Variants in TMC5 observed in about 807,000 individuals in gnomAD.
The protein encoded by TMC5 is transmembrane channel-like protein 5.
In TMC5, 86 loss-of-function variants were observed where a neutral mutation model predicts 110.5. That is an observed-to-expected ratio of 0.78 (90% CI 0.65 to 0.93). The LOEUF is 0.93. Ranked by LOEUF, TMC5 falls within the 40% of genes least tolerant of loss-of-function variation. The probability of loss-of-function intolerance (pLI) is 0.00; values close to 1 mark genes in which losing one functional copy is unlikely to be tolerated. For missense variants in TMC5, 1,144 were observed against 1,222.8 expected (o/e 0.94, Z 0.96); for synonymous variants, 455 against 439.5 (o/e 1.04, Z -0.44).
At chr16:19,412,434 C>T (rs1166751439) in intron 1 of TMC5, among the ~76,000 whole-genome samples, 2 of 151,568 alleles carry the variant, frequency 1.3e-5, no homozygotes, top group Admixed American at 6.6e-5. Context: ...GGTGCAATCT[C>T]AGCTCACTGC....
At chr16:19,446,650 A>C (rs997894334) in intron 4 of TMC5, among the ~76,000 whole-genome samples, 7 of 152,344 alleles carry the variant, frequency 4.6e-5, no homozygotes, top group African/African-American at 1.4e-4. Flanking sequence ...TACTAAATTG[A>C]CAGAGCCAGG....
At chr16:19,478,466 T>C (rs538637141) in intron 13 of TMC5, among the ~76,000 whole-genome samples, 2 of 152,352 alleles carry the variant, frequency 1.3e-5, no homozygotes, top group East Asian at 1.9e-4. Flanking sequence ...CATTCATCCA[T>C]TCATGCATCC....
chr16:19,413,052 C>T (rs886251274), upstream of TMC5, among the ~76,000 whole-genome samples: 1 of 152,172 alleles, frequency 6.6e-6, no homozygotes, highest in African/African-American at 2.4e-5. Flanking sequence ...CTGTGTTGCC[C>T]AGGCTGGTCT....
At chr16:19,437,167 C>T (rs1025597910) in intron 2 of TMC5, among the ~76,000 whole-genome samples, 1 of 152,038 alleles carries the variant, frequency 6.6e-6, no homozygotes, top group Non-Finnish European at 1.5e-5. Flanking sequence ...AGAGTGAGAC[C>T]CTGTCTCAAA....
chr16:19,446,212 T>G (rs1967612179), intron 4 of TMC5, among the ~76,000 whole-genome samples: 1 of 152,148 alleles, frequency 6.6e-6, no homozygotes, highest in African/African-American at 2.4e-5. Flanking sequence ...CAAACCTTTA[T>G]TCCAAGCATT....
In TMC5 at chr16:19,474,107, C is replaced by CT. The variant is rs768311058; in HGVS notation, c.1939-17dup. 3 of 1,611,436 alleles carry CT rather than the reference C, an allele frequency of 1.9e-6. No homozygotes were observed. Among genetic ancestry groups the CT allele is most frequent in the South Asian group, 1.1e-5 (1 of 90,738 alleles). ...AGTGTACAAGTCAGCCCTCCGTTCT[C>CT]TCCCCCATCCCCTGCAGTTCCTGAA... On this transcript the variant is annotated splice_polypyrimidine_tract_variant and intron_variant, in intron 11 of 21. Coordinates refer to ENST00000542583, the MANE Select transcript of TMC5 (RefSeq NM_001261841.2).
chr16:19,416,393 T>G (rs1452580404), upstream of TMC5, among the ~76,000 whole-genome samples: 1 of 152,214 alleles, frequency 6.6e-6, no homozygotes. Context: ...TATTTCTGTA[T>G]GAATATAAAA....
intron 4 of TMC5, among the ~76,000 whole-genome samples, chr16:19,446,182 C>T (rs1424356435): frequency 6.6e-6 from 1 of 152,072 alleles, no homozygotes; most frequent in Non-Finnish European, 1.5e-5. Flanking sequence ...GCACAGACAT[C>T]AGATAGCCCA....
At chr16:19,455,980 G>T (rs996811365) in intron 5 of TMC5, among the ~76,000 whole-genome samples, 1 of 152,154 alleles carries the variant, frequency 6.6e-6, no homozygotes, top group Non-Finnish European at 1.5e-5. Context: ...GGCCGAGGCA[G>T]GAGGATCACG....
chr16:19,456,513 G>A, intron 5 of TMC5: 1 of 1,352,688 alleles, frequency 7.4e-7, no homozygotes, highest in Admixed American at 3.3e-5. Context: ...TAGATGCAGG[G>A]AGTTATGTTG....
rs1968925846 is a variant in TMC5 at position 19,492,230 on chromosome 16, T to G, written c.2826+2T>G. The stretch of plus-strand genomic sequence containing the variant: ...CTGCTCCATGAGCAGATCATTAATG[T>G]AAGTCCCCTTGGATCCCTCTGATGT... On this transcript the variant is annotated splice_donor_variant, in intron 19 of 21. Transcript: ENST00000542583. LOFTEE classifies it high-confidence loss of function. 1 of 1,610,426 alleles carries G rather than the reference T, an allele frequency of 6.2e-7. No individual in the cohort carries two copies. Among genetic ancestry groups the G allele is most frequent in the Non-Finnish European group, 8.5e-7 (1 of 1,176,824 alleles).
chr16:19,424,260 C>G (rs1161245992), intron 1 of TMC5, among the ~76,000 whole-genome samples: 2 of 152,206 alleles, frequency 1.3e-5, no homozygotes, highest in South Asian at 4.1e-4. Flanking sequence ...GCTCACACAA[C>G]TCAGGGAAAT....
intron 21 of TMC5, 132 bp from the exon 22 acceptor site, chr16:19,497,788 T>A: frequency 2.7e-6 from 2 of 742,098 alleles, no homozygotes; most frequent in Non-Finnish European, 4.5e-6. Context: ...AAGGGAAGGA[T>A]TATAGAAACT....
intron 15 of TMC5, among the ~76,000 whole-genome samples, chr16:19,483,379 T>C (rs1163576868): frequency 6.6e-6 from 1 of 152,212 alleles, no homozygotes; most frequent in Non-Finnish European, 1.5e-5. Flanking sequence ...TTTGAAAGTA[T>C]TGGATTTGGA....
At chr16:19,451,726 A>G (rs1378168364) in intron 5 of TMC5, among the ~76,000 whole-genome samples, 1 of 152,066 alleles carries the variant, frequency 6.6e-6, no homozygotes, top group African/African-American at 2.4e-5. Flanking sequence ...CCCATAGGAC[A>G]AAGGCGCAGT....
chr16:19,432,148 C>G (rs1191481584), intron 2 of TMC5, among the ~76,000 whole-genome samples: 1 of 152,138 alleles, frequency 6.6e-6, no homozygotes, highest in African/African-American at 2.4e-5. Context: ...CATCCATATT[C>G]TAGGATGTAA....
rs1733884976 is a variant in TMC5, at chr16:19,466,248, A to G, written c.1637+15A>G. On this transcript the variant is annotated intron_variant, in intron 9 of 21. Transcript: ENST00000542583. ...TTGCTGTTCAGGTATGGAAGCATCTACATTTCCTGATTCTGAGGGTCATGT... is the reference window on the plus strand; with the variant it reads ...TTGCTGTTCAGGTATGGAAGCATCTGCATTTCCTGATTCTGAGGGTCATGT... 2 of 1,611,918 alleles carry G rather than the reference A, an allele frequency of 1.2e-6. No homozygotes were observed. The highest frequency in any genetic ancestry group is 1.7e-6 in the Non-Finnish European group (2 of 1,179,216).
At chr16:19,487,647 A>G (rs1968781362) in intron 17 of TMC5, among the ~76,000 whole-genome samples, 1 of 152,024 alleles carries the variant, frequency 6.6e-6, no homozygotes, top group Non-Finnish European at 1.5e-5. Context: ...GGTTGCAGTG[A>G]GCCAAGATTG....
rs773427498 is a variant in TMC5, at chr16:19,466,141, C to G, written c.1545C>G (p.His515Gln). ...YGFYTNSTIQ[H>Q]GNSGASYNMQ... ...TTTACACCAATTCCACCATCCAGCA[C>G]GGGAACAGCGGGGCATCCTACAACA... Residue 515 changes from histidine (H) to glutamine (Q), a missense_variant, in exon 9 of 22, where the codon CAC (histidine) becomes CAG (glutamine). His to Gln is a conservative substitution (Grantham distance 24). Transcript: ENST00000542583. The G allele has an allele frequency of 1.9e-6, 3 of 1,614,100 alleles. No homozygotes were observed. Among genetic ancestry groups the G allele is most frequent in the South Asian group, 1.1e-5 (1 of 91,078 alleles).
Sources: gnomAD v4.1 joint callset for allele counts (sites outside exome capture counted in the v4.1 genomes callset) on GRCh38, gnomAD v4.1.1 for gene constraint, MANE v1.5 for transcripts, NCBI Gene and HGNC (gene_info 2026-07-23, HGNC 2026-07-21) for gene names.